Variants in CCNG2 observed in about 807,000 individuals in gnomAD.
The protein encoded by CCNG2 is cyclin-G2.
CCNG2 carries 20 observed loss-of-function variants against 36.5 expected under a neutral mutation model. The ratio of observed to expected loss-of-function variants is 0.55; its 90% CI spans 0.39 to 0.80. The LOEUF (loss-of-function observed/expected upper bound fraction) is 0.80, where lower values mean the gene tolerates loss of function less well. Among genes scored for constraint, CCNG2 ranks in the 30% least tolerant of loss-of-function variants. The pLI is 0.00. For synonymous variants in CCNG2, 155 were observed against 140.1 expected, an observed-to-expected ratio of 1.11 and a Z score of -0.75; for missense variants, 358 against 390.8, an observed-to-expected ratio of 0.92 and a Z score of 0.71.
In CCNG2 at chr4:77,158,545, G is replaced by C; in HGVS notation, c.13G>C (p.Gly5Arg). The C allele has an allele frequency of 6.2e-7, 1 of 1,614,126 alleles. No individual in the cohort carries two copies. The highest frequency in any genetic ancestry group is 8.5e-7 in the Non-Finnish European group (1 of 1,180,000). MKDL[G>R]AEHLAGHEGV... ...GTCTTTACTGCAGATGAAGGATTTGGGGGCAGAGCACTTGGCAGGTCATGA... is the reference window on the plus strand; with the variant it reads ...GTCTTTACTGCAGATGAAGGATTTGCGGGCAGAGCACTTGGCAGGTCATGA... The change falls in exon 2 of 8, where the codon GGG (glycine) becomes CGG (arginine). Residue 5 changes from glycine to arginine, a missense_variant. Physicochemically the swap from Gly to Arg is moderately radical, Grantham distance 125. Coordinates refer to ENST00000316355, the MANE Select transcript of CCNG2 (RefSeq NM_004354.3).
At chr4:77,158,763 C>A in intron 2 of CCNG2, 93 bp downstream of exon 2, 2 of 1,336,586 alleles carry the variant, frequency 1.5e-6, no homozygotes, top group Non-Finnish European at 2.1e-6. Flanking sequence ...CTAAAGCCTG[C>A]AAAATTTCTT....
At chr4:77,158,343 CT>C (rs1731329046) in intron 1 of CCNG2, 189 bp from the exon 2 acceptor site, 1 of 583,438 alleles carries the variant, frequency 1.7e-6, no homozygotes, top group Admixed American at 3.2e-5. Flanking sequence ...GCTCCTCCCC[CT>C]GCCACACCTC....
intron 1 of CCNG2, 62 bp from the exon 2 acceptor site, chr4:77,158,471 C>G: frequency 6.3e-7 from 1 of 1,576,108 alleles, no homozygotes; most frequent in Non-Finnish European, 8.7e-7. Flanking sequence ...TCAGCCCTTT[C>G]TCCCGCTTCC....
At chr4:77,159,879 T>G (rs1731381049) in intron 3 of CCNG2, among the ~76,000 whole-genome samples, 1 of 152,200 alleles carries the variant, frequency 6.6e-6, no homozygotes, top group South Asian at 2.1e-4. Flanking sequence ...TATAACAGTT[T>G]ATTAAATATG....
intron 4 of CCNG2, among the ~76,000 whole-genome samples, chr4:77,161,251 C>T (rs536652783): frequency 3.2e-4 from 48 of 151,940 alleles, no homozygotes; most frequent in African/African-American, 1.1e-3. Flanking sequence ...TACAGGCGTG[C>T]GCCACCACAC....
intron 2 of CCNG2, 133 bp downstream of exon 2, chr4:77,158,803 A>C: frequency 1.2e-6 from 1 of 830,412 alleles, no homozygotes; most frequent in Non-Finnish European, 1.9e-6. Flanking sequence ...GTACCAAGAT[A>C]AACCTTATTA....
At chr4:77,162,349 A>G (rs1026785867) in intron 6 of CCNG2, among the ~76,000 whole-genome samples, 1 of 150,528 alleles carries the variant, frequency 6.6e-6, no homozygotes, top group Non-Finnish European at 1.5e-5. Context: ...GGTGCCAGGT[A>G]ATAGTGAATA....
Position 77,165,432 on chromosome 4 carries a change from CT to C in CCNG2, c.912-358del, listed in dbSNP as rs11399689. Among the ~76,000 whole-genome samples, 926 of 145,624 alleles carry C rather than the reference CT, an allele frequency of 6.4e-3. 8 individuals are homozygous for C. Among genetic ancestry groups the C allele is most frequent in the African/African-American group, 0.02 (786 of 39,462 alleles). ...AAACCTATATTTTCTTTCTTTCTTT[CT>C]TTTTTTTTTTGCATGTGCCACCATG... On this transcript the variant is annotated intron_variant, in intron 7 of 7. Transcript: ENST00000316355.
rs1731452104 is a variant in CCNG2, at chr4:77,162,010, T to C, written c.705+263T>C. Among the ~76,000 whole-genome samples the C allele has an allele frequency of 2.0e-5, 3 of 152,218 alleles. No individual in the cohort carries two copies. The South Asian group carries it at 6.2e-4, about 32-fold the overall frequency. On this transcript the variant is annotated intron_variant, in intron 6 of 7. Coordinates refer to ENST00000316355, the MANE Select transcript of CCNG2 (RefSeq NM_004354.3). ...TAATCATGCCATATGATAGTACAGC[T>C]GTTACATTGCCACATATGCATTGTT...
Position 77,160,938 on chromosome 4 carries a change from A to T in CCNG2, c.494A>T (p.Tyr165Phe). The stretch of plus-strand genomic sequence containing the variant: ...ACTGCCTTAAACTTTTTGCACTTAT[A>T]CCATACTATTATACTTTGTCATACT... ...ATTALNFLHL[Y>F]HTIILCHTSE... Residue 165 changes from tyrosine (Y) to phenylalanine (F), a missense_variant, in exon 4 of 8, where the codon TAC becomes TTC. Transcript: ENST00000316355. 1 of 1,606,714 alleles carries T rather than the reference A, an allele frequency of 6.2e-7. No individual in the cohort carries two copies. The highest frequency in any genetic ancestry group is 8.5e-7 in the Non-Finnish European group (1 of 1,178,558).
At chr4:77,157,681 CAGAT>C (rs1206199112) in intron 1 of CCNG2, among the ~76,000 whole-genome samples, 175 bp downstream of exon 1, 2 of 151,864 alleles carry the variant, frequency 1.3e-5, no homozygotes, top group Non-Finnish European at 1.5e-5. Flanking sequence ...CCGCGATGGA[CAGAT>C]AGATGCTCGT....
Position 77,161,805 on chromosome 4 carries a change from GT to G in CCNG2, c.705+59del, listed in dbSNP as rs1415279950. On this transcript the variant is annotated intron_variant, in intron 6 of 7. Transcript: ENST00000316355. ...TTTTTCCTGATGTTTATTTTTTTCT[GT>G]GGTGACTTAAACATTAAGTAATACT... 5.8e-6 allele frequency: 6 copies of G among 1,043,034 alleles called. No homozygotes were observed. In the South Asian group the frequency reaches 8.5e-5, roughly 15 times the overall value. The allele number at this position is 1,043,034 out of a possible 1,614,324, so 64.6% of individuals were successfully genotyped here. A position where few individuals can be genotyped will look rare whatever the true frequency, so the allele number is the denominator to read the frequency against.
intron 7 of CCNG2, 89 bp from the exon 8 acceptor site, chr4:77,165,712 A>C: frequency 3.6e-6 from 4 of 1,120,992 alleles, no homozygotes; most frequent in Non-Finnish European, 4.9e-6. Flanking sequence ...AATCCTCACT[A>C]GAGATATAGC....
chr4:77,165,885 C>T lies in CCNG2; in HGVS notation c.996C>T (p.Phe332=), dbSNP rs1458692080. 1 of 1,611,516 alleles carries T rather than the reference C, an allele frequency of 6.2e-7. No homozygotes were observed. The highest frequency in any genetic ancestry group is 8.5e-7 in the Non-Finnish European group (1 of 1,179,198). ...GTGATCAAGAGTGCACCTTCTTTTT[C>T]AACTTCAAAGTGGCACAAACACTGT... The part of the protein sequence containing the change: ...PPSDQECTFF[F]NFKVAQTLCF... The change falls in exon 8 of 8, where the codon TTC becomes TTT. Residue 332 remains phenylalanine, a synonymous_variant. Transcript: ENST00000316355.
chr4:77,158,303 AC>A, intron 1 of CCNG2: 2 of 550,222 alleles, frequency 3.6e-6, no homozygotes, highest in Non-Finnish European at 6.5e-6. Flanking sequence ...GGCCGGTCTT[AC>A]CCAGCGCTGG....
At chr4:77,163,741 T>C (rs1731548672) in intron 6 of CCNG2, among the ~76,000 whole-genome samples, 1 of 152,238 alleles carries the variant, frequency 6.6e-6, no homozygotes, top group Admixed American at 6.5e-5. Context: ...GGCGGAACTA[T>C]GTCCTTTTTG....
Position 77,164,499 on chromosome 4 carries a change from A to G in CCNG2, c.911+20A>G. On this transcript the variant is annotated intron_variant, in intron 7 of 7. Transcript: ENST00000316355. ...TGAAAGGTAGGCAGGTTCCTTGACT[A>G]ATTAAACTTCCCTAGACTAAATATT... is the stretch of plus-strand genomic sequence containing the variant. The G allele has an allele frequency of 6.4e-7, 1 of 1,573,466 alleles. No individual in the cohort carries two copies. The highest frequency in any genetic ancestry group is 2.3e-5 in the East Asian group (1 of 44,350).
In CCNG2 at chr4:77,167,928, T is replaced by C. The variant is rs758706996; in HGVS notation, c.*2004T>C. 2.0e-5 allele frequency: 3 copies of C among 152,228 alleles called. No homozygotes were observed. Among genetic ancestry groups the C allele is most frequent in the Non-Finnish European group, 1.5e-5 (1 of 68,032 alleles). 9.4% of individuals were successfully genotyped at this position (152,228 alleles called of 1,614,324 possible). On this transcript the variant is annotated 3_prime_UTR_variant, in exon 8 of 8. Transcript: ENST00000316355. ...TTGAGATGTAAAAGTTGTTTGGGGCTTACCAAATCTCAAGACTCTCTTTAG... is the reference window on the plus strand; with the variant it reads ...TTGAGATGTAAAAGTTGTTTGGGGCCTACCAAATCTCAAGACTCTCTTTAG...
Position 77,159,399 on chromosome 4 carries a change from T to A in CCNG2, c.171T>A (p.Asn57Lys). ...NDNTLCPGLR[N>K]AKVEDLRSLA... is the part of the protein sequence containing the mutation. ...ACACTTTGTGTCCAGGATTGAGAAATGCCAAAGTTGAAGATTTAAGGAGTT... is the reference window on the plus strand; with the variant it reads ...ACACTTTGTGTCCAGGATTGAGAAAAGCCAAAGTTGAAGATTTAAGGAGTT... The change falls in exon 3 of 8, where the codon AAT becomes AAA. Residue 57 changes from asparagine (N) to lysine (K), a missense_variant. Transcript: ENST00000316355. 1 of 1,613,618 alleles carries A rather than the reference T, an allele frequency of 6.2e-7. No individual in the cohort carries two copies. Among genetic ancestry groups the A allele is most frequent in the Admixed American group, 1.7e-5 (1 of 59,974 alleles).
Sources: allele counts gnomAD v4.1 joint callset (sites outside exome capture counted in the v4.1 genomes callset), GRCh38; gene constraint gnomAD v4.1.1; transcripts MANE v1.5; gene names NCBI Gene and HGNC (gene_info 2026-07-23, HGNC 2026-07-21).